The following ANKS1B variants were observed in gnomAD, a reference collection of about 807,000 sequenced individuals.
The protein encoded by ANKS1B is ankyrin repeat and sterile alpha motif domain containing 1B.
A neutral mutation model predicts 148.3 loss-of-function variants in ANKS1B; 36 were observed. That is an observed-to-expected ratio of 0.24 (90% CI 0.19 to 0.32). ANKS1B has a LOEUF of 0.32. Ranked by LOEUF, ANKS1B falls within the 10% of genes least tolerant of loss-of-function variation. The pLI is 1.00. For synonymous variants in ANKS1B, 542 were observed against 560.8 expected (o/e 0.97, Z 0.47); for missense variants, 1,157 against 1,542.6 (o/e 0.75, Z 4.19).
intron 12 of ANKS1B, among the ~76,000 whole-genome samples, chr12:99,332,112 T>A (rs1016541935): frequency 6.6e-6 from 1 of 152,028 alleles, no homozygotes; most frequent in South Asian, 2.1e-4. Flanking sequence ...TCCCTCGATA[T>A]GCTGTATAGC....
chr12:99,783,279 A>C (rs919300991), intron 4 of ANKS1B, among the ~76,000 whole-genome samples: 1 of 152,170 alleles, frequency 6.6e-6, no homozygotes, highest in African/African-American at 2.4e-5. Context: ...AGACTAGCCT[A>C]CTTTAAATAT....
At chr12:98,796,703 T>C (rs748121774) in intron 22 of ANKS1B, among the ~76,000 whole-genome samples, 23 of 152,222 alleles carry the variant, frequency 1.5e-4, no homozygotes, top group Non-Finnish European at 3.2e-4. Flanking sequence ...TAATGAAGTT[T>C]CTATTTTCAT....
chr12:99,389,660 T>C (rs964993239), intron 12 of ANKS1B, among the ~76,000 whole-genome samples: 1 of 152,072 alleles, frequency 6.6e-6, no homozygotes, highest in Non-Finnish European at 1.5e-5. Flanking sequence ...AATGACAAGA[T>C]AATTAGAGAG....
intron 9 of ANKS1B, among the ~76,000 whole-genome samples, chr12:99,549,052 A>G (rs1186710449): frequency 6.6e-6 from 1 of 152,186 alleles, no homozygotes; most frequent in African/African-American, 2.4e-5. Context: ...CAATTTACCT[A>G]TATCTTTTTT....
intron 8 of ANKS1B, among the ~76,000 whole-genome samples, chr12:99,741,439 T>C (rs1367181481): frequency 3.3e-5 from 5 of 152,214 alleles, no homozygotes; most frequent in African/African-American, 9.6e-5. Flanking sequence ...TAAAGACACA[T>C]TCACATGTAT....
chr12:99,808,063 A>G (rs1413159717), intron 3 of ANKS1B, among the ~76,000 whole-genome samples: 1 of 152,298 alleles, frequency 6.6e-6, no homozygotes, highest in African/African-American at 2.4e-5. Flanking sequence ...TCTTTCCACT[A>G]TACCATGTTG....
At chr12:99,641,338 A>C (rs1397947218) in intron 9 of ANKS1B, among the ~76,000 whole-genome samples, 1 of 152,226 alleles carries the variant, frequency 6.6e-6, no homozygotes, top group Non-Finnish European at 1.5e-5. Context: ...CCAAGATTTT[A>C]TGGCCAACAA....
At chr12:99,446,883 T>C (rs191346377) in intron 10 of ANKS1B, among the ~76,000 whole-genome samples, 1 of 152,160 alleles carries the variant, frequency 6.6e-6, no homozygotes, top group Admixed American at 6.5e-5. Flanking sequence ...ATGTTAAGAC[T>C]AGAGACCCAA....
chr12:99,055,320 AG>A (rs1313153198), intron 16 of ANKS1B, among the ~76,000 whole-genome samples: 1 of 152,230 alleles, frequency 6.6e-6, no homozygotes, highest in African/African-American at 2.4e-5. Context: ...CTAAGGTTGA[AG>A]TTAACTGCTT....
At chr12:99,695,038 T>C (rs1391082277) in intron 8 of ANKS1B, among the ~76,000 whole-genome samples, 2 of 152,086 alleles carry the variant, frequency 1.3e-5, no homozygotes, top group African/African-American at 2.4e-5. Flanking sequence ...GCAAACTGTT[T>C]GCTTTCAAAC....
intron 15 of ANKS1B, among the ~76,000 whole-genome samples, chr12:99,094,162 A>G (rs760313255): frequency 1.3e-5 from 2 of 152,232 alleles, no homozygotes; most frequent in Admixed American, 1.3e-4. Flanking sequence ...TGTGAGATAC[A>G]ATGAGATCAG....
chr12:99,401,455 C>T (rs752567118), intron 11 of ANKS1B, among the ~76,000 whole-genome samples: 2 of 146,176 alleles, frequency 1.4e-5, no homozygotes, highest in Non-Finnish European at 3.0e-5. Context: ...AAGGTCAAGC[C>T]AAATGATATA....
intron 15 of ANKS1B, among the ~76,000 whole-genome samples, chr12:99,136,078 G>T (rs1207860666): frequency 6.6e-6 from 1 of 152,188 alleles, no homozygotes; most frequent in Non-Finnish European, 1.5e-5. Flanking sequence ...AATCAGAGAT[G>T]ACAGGAAAGA....
intron 17 of ANKS1B, among the ~76,000 whole-genome samples, chr12:99,037,199 C>G (rs1192068153): frequency 6.6e-6 from 1 of 152,136 alleles, no homozygotes; most frequent in Non-Finnish European, 1.5e-5. Context: ...TGTCTCAAGC[C>G]AAGGTAAACC....
downstream of ANKS1B, among the ~76,000 whole-genome samples, chr12:98,741,118 T>A (rs974963198): frequency 1.3e-5 from 2 of 152,230 alleles, no homozygotes; most frequent in African/African-American, 4.8e-5. Context: ...TAAGACATTG[T>A]TATTGCTGGT....
intron 12 of ANKS1B, among the ~76,000 whole-genome samples, chr12:99,262,871 G>C (rs1249599136): frequency 6.6e-6 from 1 of 152,114 alleles, no homozygotes; most frequent in East Asian, 1.9e-4. Flanking sequence ...GGGAATGTGT[G>C]TGTGTGTGTG....
At chr12:99,708,569 T>C (rs1304221463) in intron 8 of ANKS1B, among the ~76,000 whole-genome samples, 1 of 152,160 alleles carries the variant, frequency 6.6e-6, no homozygotes, top group African/African-American at 2.4e-5. Flanking sequence ...CTAGTGGCTA[T>C]GCTATGGGTA....
intron 12 of ANKS1B, among the ~76,000 whole-genome samples, chr12:99,387,454 A>C (rs1413173144): frequency 6.6e-6 from 1 of 152,138 alleles, no homozygotes; most frequent in African/African-American, 2.4e-5. Context: ...CATCTTTACT[A>C]AAATACAAAA....
At chr12:99,119,206 G>A (rs1376806576) in intron 15 of ANKS1B, among the ~76,000 whole-genome samples, 1 of 152,112 alleles carries the variant, frequency 6.6e-6, no homozygotes, top group Non-Finnish European at 1.5e-5. Context: ...AGCTTTGACA[G>A]ACAAAAGAGG....
Sources: allele counts gnomAD v4.1 joint callset (sites outside exome capture counted in the v4.1 genomes callset), GRCh38; gene constraint gnomAD v4.1.1; transcripts MANE v1.5; gene names NCBI Gene and HGNC (gene_info 2026-07-23, HGNC 2026-07-21).